Variants in MAMDC2 observed in about 807,000 individuals in gnomAD.
MAMDC2 encodes the protein MAM domain-containing protein 2.
A neutral mutation model predicts 89.8 loss-of-function variants in MAMDC2; 57 were observed. The ratio of observed to expected loss-of-function variants is 0.63; its 90% confidence interval spans 0.51 to 0.79. The LOEUF (loss-of-function observed/expected upper bound fraction) is 0.79. MAMDC2 is among the 30% of genes least tolerant of loss of function. MAMDC2 has a pLI of 0.00. For missense variants in MAMDC2, 800 were observed against 820.6 expected (o/e 0.97, Z 0.31); for synonymous variants, 313 against 293.4 (o/e 1.07, Z -0.68).
At chr9:70,214,431 A>T (rs925007111) in intron 11 of MAMDC2, among the ~76,000 whole-genome samples, 1 of 152,228 alleles carries the variant, frequency 6.6e-6, no homozygotes, top group Non-Finnish European at 1.5e-5. Context: ...CAAGCAACAC[A>T]GTAAGTGAGG....
chr9:70,077,378 T>C (rs1827555357), intron 2 of MAMDC2, among the ~76,000 whole-genome samples: 1 of 152,228 alleles, frequency 6.6e-6, no homozygotes, highest in South Asian at 2.1e-4. Context: ...GGACCAGCGA[T>C]GTCCAATAGA....
chr9:70,048,821 C>A (rs1459705815), intron 2 of MAMDC2, among the ~76,000 whole-genome samples: 1 of 152,156 alleles, frequency 6.6e-6, no homozygotes, highest in Non-Finnish European at 1.5e-5. Flanking sequence ...TCCAAACAGG[C>A]ACAATTCAAA....
chr9:70,167,050 T>C (rs899459305), intron 9 of MAMDC2, among the ~76,000 whole-genome samples: 2 of 152,162 alleles, frequency 1.3e-5, no homozygotes, highest in Non-Finnish European at 2.9e-5. Flanking sequence ...AAGTTCCCAG[T>C]AGTAAACTCT....
At chr9:70,155,125 C>G (rs540942854) in intron 9 of MAMDC2, among the ~76,000 whole-genome samples, 1 of 152,246 alleles carries the variant, frequency 6.6e-6, no homozygotes, top group Non-Finnish European at 1.5e-5. Flanking sequence ...TTACCCCAGT[C>G]TTCTCAGCAC....
At chr9:70,203,781 C>A (rs1289733936) in intron 11 of MAMDC2, among the ~76,000 whole-genome samples, 1 of 127,686 alleles carries the variant, frequency 7.8e-6, no homozygotes, top group African/African-American at 3.0e-5. Flanking sequence ...CTCTAAACTT[C>A]CCTTCTCGCT....
At chr9:70,195,443 C>T (rs1210785142) in intron 11 of MAMDC2, among the ~76,000 whole-genome samples, 1 of 152,092 alleles carries the variant, frequency 6.6e-6, no homozygotes, top group Non-Finnish European at 1.5e-5. Flanking sequence ...ATGCTACTTA[C>T]AGTAGTCCCC....
At chr9:70,095,196 G>C (rs1482320397) in intron 2 of MAMDC2, among the ~76,000 whole-genome samples, 1 of 152,176 alleles carries the variant, frequency 6.6e-6, no homozygotes, top group Non-Finnish European at 1.5e-5. Context: ...AAATATGCGA[G>C]CCAGAACACC....
chr9:70,088,428 C>T (rs1404499699), intron 2 of MAMDC2: 1 of 151,982 alleles, frequency 6.6e-6, no homozygotes, highest in Non-Finnish European at 1.5e-5. Flanking sequence ...GTACTTTTCT[C>T]GATTCTGCAT....
chr9:70,209,209 C>T (rs1322580145), intron 11 of MAMDC2, among the ~76,000 whole-genome samples: 2 of 152,180 alleles, frequency 1.3e-5, no homozygotes, highest in African/African-American at 4.8e-5. Context: ...GGAATTGTAC[C>T]AGCTCCTCTT....
At chr9:70,221,915 T>A (rs1445911435) in intron 12 of MAMDC2, among the ~76,000 whole-genome samples, 2 of 152,154 alleles carry the variant, frequency 1.3e-5, no homozygotes, top group Non-Finnish European at 2.9e-5. Flanking sequence ...TGAAATTTGT[T>A]CCAAAAGCAG....
chr9:70,196,531 T>TGCA (rs1427118416), intron 11 of MAMDC2, among the ~76,000 whole-genome samples: 3 of 152,076 alleles, frequency 2.0e-5, no homozygotes, highest in African/African-American at 7.2e-5. Context: ...AGCCATTTAC[T>TGCA]GCAAGTAAGG....
intron 11 of MAMDC2, among the ~76,000 whole-genome samples, chr9:70,212,002 G>T (rs1353735879): frequency 6.6e-6 from 1 of 152,212 alleles, no homozygotes; most frequent in African/African-American, 2.4e-5. Context: ...TTGTCTCAGA[G>T]GGGCACCCAG....
At chr9:70,075,181 A>C (rs2118103452) in intron 2 of MAMDC2, among the ~76,000 whole-genome samples, 1 of 152,316 alleles carries the variant, frequency 6.6e-6, no homozygotes, top group African/African-American at 2.4e-5. Flanking sequence ...CTTGCCCCAG[A>C]GCACACATCT....
At chr9:70,212,763 T>G (rs972645526) in intron 11 of MAMDC2, among the ~76,000 whole-genome samples, 2 of 152,176 alleles carry the variant, frequency 1.3e-5, no homozygotes, top group Non-Finnish European at 2.9e-5. Context: ...AACCTCCTCC[T>G]ATTTTATGGT....
intron 2 of MAMDC2, among the ~76,000 whole-genome samples, chr9:70,090,024 G>A (rs545239705): frequency 6.6e-6 from 1 of 151,930 alleles, no homozygotes; most frequent in East Asian, 1.9e-4. Flanking sequence ...ATGACAACAT[G>A]GATGACAGAT....
At chr9:70,105,134 C>T (rs1171912111) in intron 2 of MAMDC2, among the ~76,000 whole-genome samples, 1 of 152,090 alleles carries the variant, frequency 6.6e-6, no homozygotes, top group Non-Finnish European at 1.5e-5. Context: ...ACATCCTTGA[C>T]ATTAATATCT....
intron 11 of MAMDC2, among the ~76,000 whole-genome samples, chr9:70,176,427 T>G (rs1185282039): frequency 6.6e-6 from 1 of 152,228 alleles, no homozygotes; most frequent in African/African-American, 2.4e-5. Context: ...CGGGTTATAC[T>G]TCATAGCAAA....
At chr9:70,208,115 GCT>G (rs775565295) in intron 11 of MAMDC2, among the ~76,000 whole-genome samples, 3 of 152,146 alleles carry the variant, frequency 2.0e-5, no homozygotes, top group Non-Finnish European at 2.9e-5. Context: ...GGCACTGAGG[GCT>G]CTTTTTTGAT....
intron 11 of MAMDC2, among the ~76,000 whole-genome samples, chr9:70,211,012 T>C (rs2033344381): frequency 6.6e-6 from 1 of 152,246 alleles, no homozygotes; most frequent in Non-Finnish European, 1.5e-5. Context: ...ATTAGTTTGA[T>C]GGGCTTCCCT....
Sources: gnomAD v4.1 joint callset for allele counts (sites outside exome capture counted in the v4.1 genomes callset) on GRCh38, gnomAD v4.1.1 for gene constraint, MANE v1.5 for transcripts, NCBI Gene and HGNC (gene_info 2026-07-23, HGNC 2026-07-21) for gene names.